The following AOAH variants were observed in gnomAD, a reference collection of about 807,000 sequenced individuals.
AOAH encodes acyloxyacyl hydrolase, also known as acyloxyacyl hydrolase (neutrophil).
In AOAH, 64 loss-of-function variants were observed where a neutral mutation model predicts 92.2. The observed-to-expected ratio is 0.69, with a 90% CI of 0.57 to 0.86. The LOEUF is 0.86. AOAH is among the 40% of genes least tolerant of loss of function. AOAH has a pLI of 0.00. For missense variants in AOAH, 656 were observed against 694.6 expected (o/e 0.94, Z 0.62); for synonymous variants, 263 against 254.5 (o/e 1.03, Z -0.32).
Position 36,716,567 on chromosome 7 carries a change from C to G in AOAH, c.127+7455G>C, listed in dbSNP as rs1307655182. On this transcript the variant is annotated intron_variant, in intron 1 of 20. Coordinates refer to ENST00000617537, the MANE Select transcript of AOAH (RefSeq NM_001637.4). ...TATTCACAATAGCAAAGACTTGGAA[C>G]CAACCCAAATGTCCAACAATGATAG... Among the ~76,000 whole-genome samples, 3 of 148,966 alleles carry G rather than the reference C, an allele frequency of 2.0e-5. 1 individual carries two copies. The highest frequency in any genetic ancestry group is 7.6e-5 in the African/African-American group (3 of 39,430).
chr7:36,547,464 C>T (rs572696726), intron 15 of AOAH, among the ~76,000 whole-genome samples: 7 of 152,326 alleles, frequency 4.6e-5, no homozygotes, highest in South Asian at 2.1e-4. Flanking sequence ...GAAAGCATGG[C>T]GTATGAAATA....
At chr7:36,631,834 G>A (rs1310230067) in intron 6 of AOAH, among the ~76,000 whole-genome samples, 1 of 152,196 alleles carries the variant, frequency 6.6e-6, no homozygotes, top group Non-Finnish European at 1.5e-5. Context: ...ATGCAAAGAT[G>A]CTGGCATTCA....
At chr7:36,558,464 G>T (rs145628066) in intron 13 of AOAH, among the ~76,000 whole-genome samples, 1,762 of 152,342 alleles carry the variant, frequency 0.012, 21 homozygotes, top group Middle Eastern at 0.041. Flanking sequence ...GAGGCAGTCT[G>T]CCTGTTCTCA....
chr7:36,590,292 T>G (rs1789653511), intron 12 of AOAH, among the ~76,000 whole-genome samples: 1 of 152,118 alleles, frequency 6.6e-6, no homozygotes, highest in South Asian at 2.1e-4. Flanking sequence ...GCCAAGCTCT[T>G]AACCCCCACA....
At chr7:36,680,979 T>G (rs1796605696) in intron 2 of AOAH, among the ~76,000 whole-genome samples, 1 of 151,038 alleles carries the variant, frequency 6.6e-6, no homozygotes, top group Admixed American at 6.6e-5. Flanking sequence ...GCAATCTTGT[T>G]TTGGGTTGTT....
chr7:36,718,931 T>C (rs1429222976), intron 1 of AOAH, among the ~76,000 whole-genome samples: 8 of 152,234 alleles, frequency 5.3e-5, no homozygotes, highest in Non-Finnish European at 7.3e-5. Flanking sequence ...AAGTTTATGA[T>C]ACATGAATTA....
chr7:36,624,910 G>A (rs1329624637), intron 6 of AOAH, among the ~76,000 whole-genome samples: 1 of 152,308 alleles, frequency 6.6e-6, no homozygotes, highest in Admixed American at 6.5e-5. Context: ...TCATAACCGG[G>A]GGGCCTTGCC....
At chr7:36,602,178 A>C (rs966548451) in intron 11 of AOAH, among the ~76,000 whole-genome samples, 2 of 152,222 alleles carry the variant, frequency 1.3e-5, no homozygotes, top group African/African-American at 4.8e-5. Context: ...TATGACAAGT[A>C]AATACAAAGA....
chr7:36,633,288 C>T lies in AOAH; in HGVS notation c.451-1182G>A, dbSNP rs572194042. 8.2e-4 allele frequency among the ~76,000 whole-genome samples: 125 copies of T among 152,310 alleles called. 2 individuals are homozygous for T. In the Middle Eastern group the frequency reaches 0.027, roughly 33 times the overall value. ...GGTGGGTCGTGGCAGCCTATGTCTT[C>T]GTAGCCCTCCAAGTCATTCTGGTGC... On this transcript the variant is annotated intron_variant, in intron 5 of 20. Transcript: ENST00000617537.
rs756572469 is a variant in AOAH, at chr7:36,517,172, T to TTCTCTCTTTCTTTCTC, written c.1600-3793_1600-3792insGAGAAAGAAAGAGAGA. On this transcript the variant is annotated intron_variant, in intron 20 of 20. Coordinates refer to ENST00000617537, the MANE Select transcript of AOAH (RefSeq NM_001637.4). Reference sequence around the variant, plus strand: ...TCCATGTTAGTCTTTCTTTCTTTCTTTCTTTCTTTCTTTCTTTCTTTCTTT... The same window carrying TTCTCTCTTTCTTTCTC: ...TCCATGTTAGTCTTTCTTTCTTTCTTTCTCTCTTTCTTTCTCTCTTTCTTTCTTTCTTTCTTTCTTT... 4.1e-3 allele frequency among the ~76,000 whole-genome samples: 479 copies of TTCTCTCTTTCTTTCTC among 117,174 alleles called. 6 individuals carry two copies. The highest frequency in any genetic ancestry group is 6.1e-3 in the Non-Finnish European group (354 of 58,434). 76.9% of individuals were successfully genotyped at this position (117,174 alleles called of 152,430 possible). A position where few individuals can be genotyped will look rare whatever the true frequency, so the allele number is the denominator to read the frequency against.
chr7:36,706,248 C>A (rs1307955724), intron 1 of AOAH, among the ~76,000 whole-genome samples: 1 of 152,108 alleles, frequency 6.6e-6, no homozygotes, highest in Admixed American at 6.6e-5. Flanking sequence ...GTGTTAGAGA[C>A]ATGAAAATAA....
rs57904669 is a variant in AOAH, at chr7:36,565,279, A to G, written c.1021+11295T>C. Among the ~76,000 whole-genome samples the G allele has an allele frequency of 2.5e-3, 346 of 137,558 alleles. 1 individual carries two copies. The highest frequency in any genetic ancestry group is 9.0e-3 in the African/African-American group (328 of 36,348). 90.2% of individuals were successfully genotyped at this position (137,558 alleles called of 152,430 possible). On this transcript the variant is annotated intron_variant, in intron 13 of 20. Coordinates refer to ENST00000617537, the MANE Select transcript of AOAH (RefSeq NM_001637.4). ...GAAATGTCCTCATTGTTTGTTATAC[A>G]TAATTTTTGTCATTATCCTCTCAAG...
intron 11 of AOAH, among the ~76,000 whole-genome samples, chr7:36,606,230 G>C (rs960499076): frequency 6.6e-6 from 1 of 152,178 alleles, no homozygotes; most frequent in Admixed American, 6.5e-5. Context: ...GGGTGAGTGA[G>C]CGTAGGGTGA....
At chr7:36,675,395 A>G (rs1331843073) in intron 2 of AOAH, among the ~76,000 whole-genome samples, 1 of 152,228 alleles carries the variant, frequency 6.6e-6, no homozygotes, top group East Asian at 1.9e-4. Context: ...TAGGTAACTT[A>G]GATAAAATAA....
At chr7:36,703,939 G>T (rs561503234) in intron 1 of AOAH, among the ~76,000 whole-genome samples, 1 of 152,112 alleles carries the variant, frequency 6.6e-6, no homozygotes, top group Non-Finnish European at 1.5e-5. Context: ...GTGTAAAAGC[G>T]TTCCTATTTC....
intron 15 of AOAH, among the ~76,000 whole-genome samples, chr7:36,545,996 G>C (rs1459537685): frequency 6.6e-6 from 1 of 152,236 alleles, no homozygotes; most frequent in African/African-American, 2.4e-5. Context: ...CTCAAGGGCA[G>C]TGATAGGAAA....
At chr7:36,521,518 T>G (rs1327332502) in intron 20 of AOAH, among the ~76,000 whole-genome samples, 1 of 152,188 alleles carries the variant, frequency 6.6e-6, no homozygotes, top group Non-Finnish European at 1.5e-5. Context: ...TTTACAGAAC[T>G]GTACTTTGGA....
intron 3 of AOAH, among the ~76,000 whole-genome samples, chr7:36,659,643 C>A (rs940807756): frequency 6.6e-6 from 1 of 152,150 alleles, no homozygotes; most frequent in Non-Finnish European, 1.5e-5. Context: ...AACATGGTAA[C>A]CTTATAGTGA....
At chr7:36,656,673 G>A (rs1794910550) in intron 4 of AOAH, among the ~76,000 whole-genome samples, 1 of 151,944 alleles carries the variant, frequency 6.6e-6, no homozygotes, top group South Asian at 2.1e-4. Context: ...TGTACCGAAG[G>A]ATGTAAGTAA....
Sources: allele counts gnomAD v4.1 joint callset (sites outside exome capture counted in the v4.1 genomes callset), GRCh38; gene constraint gnomAD v4.1.1; transcripts MANE v1.5; gene names NCBI Gene and HGNC (gene_info 2026-07-23, HGNC 2026-07-21).